The following ZNF140 variants were observed in gnomAD, a reference collection of about 807,000 sequenced individuals.
ZNF140 encodes zinc finger protein 140 (clone pHZ-39).
A neutral mutation model predicts 12.9 loss-of-function variants in ZNF140; 13 were observed. The observed-to-expected ratio is 1.01, with a 90% CI of 0.66 to 1.60. The LOEUF is 1.60. Ranked by LOEUF, ZNF140 falls within the 40% of genes most tolerant of loss-of-function variation. The pLI is 0.00. For synonymous variants in ZNF140, 214 were observed against 186.7 expected, an observed-to-expected ratio of 1.15 and a Z score of -1.19; for missense variants, 531 against 548.8, an observed-to-expected ratio of 0.97 and a Z score of 0.32.
intron 4 of ZNF140, among the ~76,000 whole-genome samples, chr12:133,095,875 C>G (rs939852835): frequency 2.6e-5 from 4 of 151,982 alleles, no homozygotes; most frequent in Non-Finnish European, 5.9e-5. Context: ...AAACATATCT[C>G]GCCTCCCACC....
intron 4 of ZNF140, among the ~76,000 whole-genome samples, chr12:133,102,655 A>G: frequency 6.6e-6 from 1 of 150,904 alleles, no homozygotes; most frequent in East Asian, 1.9e-4. Flanking sequence ...AGGCTGAGGC[A>G]GGAGAATTGC....
chr12:133,081,250 G>T (rs1476521225), intron 1 of ZNF140, 23 bp from the exon 2 acceptor site: 2 of 1,427,908 alleles, frequency 1.4e-6, no homozygotes, highest in Admixed American at 3.8e-5. Flanking sequence ...TGTTCGCTCA[G>T]GGCTCCTTTC....
intron 4 of ZNF140, among the ~76,000 whole-genome samples, chr12:133,098,583 C>T (rs1955221920): frequency 6.6e-6 from 1 of 152,174 alleles, no homozygotes; most frequent in Non-Finnish European, 1.5e-5. Context: ...TAATACTGTG[C>T]CACTTCATGT....
rs1265900491 is a variant in ZNF140 at position 133,099,935 on chromosome 12, T to G, written c.233-5575T>G. The stretch of plus-strand genomic sequence containing the variant: ...GCTACAGAATTGTGGGCTTGAGAGT[T>G]TTTTTTTTTTCTCTCAGCACTTCAA... On this transcript the variant is annotated intron_variant, in intron 4 of 4. Transcript: ENST00000355557. 5.3e-5 allele frequency among the ~76,000 whole-genome samples: 8 copies of G among 149,674 alleles called. No individual in the cohort carries two copies. In the South Asian group the frequency reaches 1.5e-3, roughly 28 times the overall value.
In ZNF140 at chr12:133,090,806, G is replaced by A. The variant is rs367559322; in HGVS notation, c.232+7245G>A. Among the ~76,000 whole-genome samples the A allele has an allele frequency of 1.4e-4, 19 of 134,386 alleles. No individual in the cohort carries two copies. The East Asian group carries it at 3.3e-3, about 24-fold the overall frequency. The allele number at this position is 134,386 out of a possible 152,430, so 88.2% of individuals were successfully genotyped here. A position where few individuals can be genotyped will look rare whatever the true frequency, so the allele number is the denominator to read the frequency against. On this transcript the variant is annotated intron_variant, in intron 4 of 4. Coordinates refer to ENST00000355557, the MANE Select transcript of ZNF140 (RefSeq NM_003440.4). The stretch of plus-strand genomic sequence containing the variant: ...GTCAGCAAAAAACATGTGAGCAAAA[G>A]AATCTATATCATAATTAGGTTTAAG...
intron 4 of ZNF140, among the ~76,000 whole-genome samples, chr12:133,088,483 A>C (rs1954756712): frequency 6.6e-6 from 1 of 152,216 alleles, no homozygotes; most frequent in African/African-American, 2.4e-5. Context: ...GTCTGCATGT[A>C]CTGCAGTTTA....
rs1955585321 is a variant in ZNF140, at chr12:133,106,158, C to T, written c.881C>T (p.Thr294Ile). 1.2e-6 allele frequency: 2 copies of T among 1,614,052 alleles called. No homozygotes were observed. The highest frequency in any genetic ancestry group is 1.7e-5 in the Admixed American group (1 of 59,998). ...TCAGAACTCATTCGCCACCAGATTACACATACTGGAGAGAAACCTTATGAA... is the reference window on the plus strand; with the variant it reads ...TCAGAACTCATTCGCCACCAGATTATACATACTGGAGAGAAACCTTATGAA... ...SGSELIRHQI[T>I]HTGEKPYECI... The change falls in exon 5 of 5, where the codon ACA (threonine) becomes ATA (isoleucine). Residue 294 changes from threonine (T) to isoleucine (I), a missense_variant. Coordinates refer to ENST00000355557, the MANE Select transcript of ZNF140 (RefSeq NM_003440.4).
At position 133,106,518 on chromosome 12, in the gene ZNF140, T is replaced by C; in HGVS notation, c.1241T>C (p.Val414Ala). 11 of 1,614,076 alleles carry C rather than the reference T, an allele frequency of 6.8e-6. No individual in the cohort carries two copies. The highest frequency in any genetic ancestry group is 9.3e-6 in the Non-Finnish European group (11 of 1,180,000). ...ACTCATACTGGAGAGAAACCCTATG[T>C]ATGTAAGGTATGCAACAAATCCTTC... ...QRTHTGEKPYVCKVCNKSFSW... is the reference protein window; with the variant it reads ...QRTHTGEKPYACKVCNKSFSW... Residue 414 changes from valine to alanine, a missense_variant, in exon 5 of 5, where the codon GTA (valine) becomes GCA (alanine). By Grantham distance (64) the Val-to-Ala change is moderately conservative. Transcript: ENST00000355557.
In ZNF140 at chr12:133,090,813, T is replaced by A. The variant is rs374337723; in HGVS notation, c.232+7252T>A. ...AAAAACATGTGAGCAAAAGAATCTA[T>A]ATCATAATTAGGTTTAAGGGAAGGT... is the stretch of plus-strand genomic sequence containing the variant. On this transcript the variant is annotated intron_variant, in intron 4 of 4. Transcript: ENST00000355557. Among the ~76,000 whole-genome samples the A allele has an allele frequency of 1.7e-4, 22 of 130,246 alleles. 1 individual carries two copies. Among genetic ancestry groups the A allele is most frequent in the Admixed American group, 4.7e-4 (6 of 12,664 alleles). The allele number at this position is 130,246 out of a possible 152,430, so 85.4% of individuals were successfully genotyped here.
At chr12:133,104,494 GGT>G (rs1416980277) in intron 4 of ZNF140, among the ~76,000 whole-genome samples, 81 of 151,998 alleles carry the variant, frequency 5.3e-4, no homozygotes, top group South Asian at 6.2e-4. Flanking sequence ...TGGGACTACA[GGT>G]GCATGCCATC....
chr12:133,104,899 G>A (rs1181495847), intron 4 of ZNF140, among the ~76,000 whole-genome samples: 1 of 152,080 alleles, frequency 6.6e-6, no homozygotes, highest in Non-Finnish European at 1.5e-5. Flanking sequence ...TGTCACCCAG[G>A]TAATCAGCAT....
chr12:133,094,753 G>A (rs73425971), intron 4 of ZNF140, among the ~76,000 whole-genome samples: 12 of 151,214 alleles, frequency 7.9e-5, no homozygotes, highest in Admixed American at 6.6e-4. Context: ...CGCAGCAAGC[G>A]TAGTTTCAGG....
chr12:133,085,003 G>A (rs897194706), intron 4 of ZNF140, among the ~76,000 whole-genome samples: 3 of 151,996 alleles, frequency 2.0e-5, no homozygotes, highest in African/African-American at 7.2e-5. Flanking sequence ...AGGAAAACAT[G>A]GAAGTTGCCT....
Position 133,095,902 on chromosome 12 carries a change from A to C in ZNF140, c.233-9608A>C, listed in dbSNP as rs900579057. 6.2e-3 allele frequency among the ~76,000 whole-genome samples: 896 copies of C among 145,348 alleles called. 4 individuals carry two copies. Among genetic ancestry groups the C allele is most frequent in the African/African-American group, 0.017 (671 of 39,188 alleles). On this transcript the variant is annotated intron_variant, in intron 4 of 4. Coordinates refer to ENST00000355557, the MANE Select transcript of ZNF140 (RefSeq NM_003440.4). ...CCTCCCACCATAGGGCGGTTTTGCTACTATCTCAGAATTGAACAAATGTAC... is the reference window on the plus strand; with the variant it reads ...CCTCCCACCATAGGGCGGTTTTGCTCCTATCTCAGAATTGAACAAATGTAC...
At chr12:133,088,944 A>G (rs1302704407) in intron 4 of ZNF140, among the ~76,000 whole-genome samples, 8 of 152,148 alleles carry the variant, frequency 5.3e-5, no homozygotes, top group African/African-American at 1.7e-4. Context: ...CCCTTTATAC[A>G]TTGTTGGATT....
rs1954698098 is a variant in ZNF140 at position 133,087,017 on chromosome 12, GA to G, written c.232+3457del. Among the ~76,000 whole-genome samples, 3 of 151,554 alleles carry G rather than the reference GA, an allele frequency of 2.0e-5. No individual in the cohort carries two copies. In the South Asian group the frequency reaches 6.2e-4, roughly 31 times the overall value. ...ATACAGCCTTAGTTACAGATTTAAT[GA>G]TTAACATTTTATTGTATTTGTCTTA... On this transcript the variant is annotated intron_variant, in intron 4 of 4. Transcript: ENST00000355557.
chr12:133,102,159 T>C (rs889363040), intron 4 of ZNF140, among the ~76,000 whole-genome samples: 1 of 152,138 alleles, frequency 6.6e-6, no homozygotes, highest in South Asian at 2.1e-4. Context: ...TTCCACCTTA[T>C]GTGGGATAGG....
At chr12:133,083,632 T>C in intron 4 of ZNF140, 71 bp downstream of exon 4, 1 of 1,431,204 alleles carries the variant, frequency 7.0e-7, no homozygotes, top group South Asian at 1.2e-5. Context: ...AGGAATACTT[T>C]TTAATATGTT....
rs1955561746 is a variant in ZNF140, at chr12:133,105,558, T to C, written c.281T>C (p.Ile94Thr). 8 of 1,612,448 alleles carry C rather than the reference T, an allele frequency of 5.0e-6. No homozygotes were observed. Among genetic ancestry groups the C allele is most frequent in the Non-Finnish European group, 6.8e-6 (8 of 1,179,540 alleles). Residue 94 changes from isoleucine to threonine, a missense_variant, in exon 5 of 5, where the codon ATT (isoleucine) becomes ACT (threonine). By Grantham distance (89) the Ile-to-Thr change is moderately conservative (BLOSUM62 -1). Coordinates refer to ENST00000355557, the MANE Select transcript of ZNF140 (RefSeq NM_003440.4). ...EIKDFSPKNV[I>T]YDDSSQYLIM... Reference sequence around the variant, plus strand: ...AAAGACTTTTCACCAAAAAATGTCATTTATGATGACTCATCCCAGTATTTG... The same window carrying C: ...AAAGACTTTTCACCAAAAAATGTCACTTATGATGACTCATCCCAGTATTTG...
Sources: allele counts gnomAD v4.1 joint callset (sites outside exome capture counted in the v4.1 genomes callset), GRCh38; gene constraint gnomAD v4.1.1; transcripts MANE v1.5; gene names NCBI Gene and HGNC (gene_info 2026-07-23, HGNC 2026-07-21).